CYB5A: variants seen among roughly 807,000 people sequenced by gnomAD.
CYB5A encodes the protein cytochrome b5.
In CYB5A, 10 loss-of-function variants were observed where a neutral mutation model predicts 16.2. The observed-to-expected ratio is 0.62, with a 90% CI of 0.38 to 1.04. The LOEUF is 1.04. Ranked by LOEUF, CYB5A falls within the 50% of genes least tolerant of loss-of-function variation. The pLI, the probability that CYB5A is intolerant of heterozygous loss-of-function variation, is 0.01. For missense variants in CYB5A, 161 were observed against 165.9 expected, an observed-to-expected ratio of 0.97 and a Z score of 0.16; for synonymous variants, 62 against 57.0, an observed-to-expected ratio of 1.09 and a Z score of -0.40.
At chr18:74,269,789 G>C (rs1369285078) in intron 1 of CYB5A, among the ~76,000 whole-genome samples, 1 of 152,110 alleles carries the variant, frequency 6.6e-6, no homozygotes, top group African/African-American at 2.4e-5. Context: ...CTACCACCCA[G>C]GGACAACAGC....
chr18:74,275,355 T>C (rs1278342874), intron 1 of CYB5A, among the ~76,000 whole-genome samples: 2 of 152,152 alleles, frequency 1.3e-5, no homozygotes, highest in African/African-American at 4.8e-5. Flanking sequence ...AAGTCTTCCT[T>C]CTGGAGTGGT....
At chr18:74,263,532 G>C in intron 1 of CYB5A, 55 bp from the exon 2 acceptor site, 2 of 1,506,958 alleles carry the variant, frequency 1.3e-6, no homozygotes. Context: ...TGAATTAAGA[G>C]AAAACGGCCA....
rs1478677611 is a variant in CYB5A at position 74,291,936 on chromosome 18, G to T, written c.-61C>A. 3.1e-6 allele frequency: 5 copies of T among 1,602,028 alleles called. No homozygotes were observed. The highest frequency in any genetic ancestry group is 2.2e-5 in the South Asian group (2 of 90,888). On this transcript the variant is annotated 5_prime_UTR_variant, in exon 1 of 5. An upstream open reading frame in the 5' UTR gains an earlier in-frame stop. Coordinates refer to ENST00000340533, the MANE Select transcript of CYB5A (RefSeq NM_148923.4). Reference sequence around the variant, plus strand: ...CCCCGTCGGGTGGAGCAGAGCGCGCGACTCAGCCAGCTCCACCCGGGACAT... The same window carrying T: ...CCCCGTCGGGTGGAGCAGAGCGCGCTACTCAGCCAGCTCCACCCGGGACAT...
At position 74,263,459 on chromosome 18, in the gene CYB5A, C is replaced by A. The variant is rs762633432; in HGVS notation, c.148G>T (p.Val50Phe). ...TCACCTCCAGCTTGTTCCCTTAAAA[C>A]TTCTTCCCCACCAGGATGCTGTTCA... is the stretch of plus-strand genomic sequence containing the variant. ...FLEEHPGGEE[V>F]LREQAGGDAT... Residue 50 changes from valine (V) to phenylalanine (F), a missense_variant, in exon 2 of 5, where the codon GTT becomes TTT. Val to Phe is a conservative substitution (Grantham distance 50). Coordinates refer to ENST00000340533, the MANE Select transcript of CYB5A (RefSeq NM_148923.4). 2 of 1,614,148 alleles carry A rather than the reference C, an allele frequency of 1.2e-6. No individual in the cohort carries two copies. Among genetic ancestry groups the A allele is most frequent in the Non-Finnish European group, 8.5e-7 (1 of 1,180,012 alleles).
intron 1 of CYB5A, among the ~76,000 whole-genome samples, chr18:74,271,406 C>T (rs192254168): frequency 6.6e-5 from 10 of 152,262 alleles, no homozygotes; most frequent in South Asian, 4.1e-4. Context: ...CAGGAATGAA[C>T]GAGCCCCATA....
At chr18:74,256,793 G>A in intron 3 of CYB5A, 1 of 1,607,554 alleles carries the variant, frequency 6.2e-7, no homozygotes, top group South Asian at 1.1e-5. Context: ...ACCCCTTTCA[G>A]GGAAAAGCAA....
chr18:74,281,663 C>T (rs1295812993), intron 1 of CYB5A, among the ~76,000 whole-genome samples: 2 of 152,002 alleles, frequency 1.3e-5, no homozygotes, highest in Non-Finnish European at 2.9e-5. Flanking sequence ...CCAGGCTTAA[C>T]AACCCTTTCA....
chr18:74,267,303 C>T (rs1418187736), intron 1 of CYB5A, among the ~76,000 whole-genome samples: 5 of 152,138 alleles, frequency 3.3e-5, no homozygotes, highest in Non-Finnish European at 5.9e-5. Flanking sequence ...ACTACAGGCT[C>T]CTGCCACCAC....
At chr18:74,279,266 G>A (rs1599262949) in intron 1 of CYB5A, among the ~76,000 whole-genome samples, 1 of 152,226 alleles carries the variant, frequency 6.6e-6, no homozygotes, top group African/African-American at 2.4e-5. Context: ...GGTGGCTCAC[G>A]CCTATAACCC....
intron 1 of CYB5A, among the ~76,000 whole-genome samples, chr18:74,282,628 T>C (rs1398715454): frequency 6.6e-6 from 1 of 152,130 alleles, no homozygotes; most frequent in African/African-American, 2.4e-5. Context: ...TGGGACACCA[T>C]GCTGAGACCT....
intron 1 of CYB5A, among the ~76,000 whole-genome samples, chr18:74,265,811 G>T (rs1165611705): frequency 6.6e-6 from 1 of 152,154 alleles, no homozygotes; most frequent in Non-Finnish European, 1.5e-5. Context: ...AACTCTGCCT[G>T]AACTAACAAA....
intron 4 of CYB5A, among the ~76,000 whole-genome samples, chr18:74,255,433 C>T (rs191797419): frequency 5.9e-5 from 9 of 152,244 alleles, no homozygotes; most frequent in African/African-American, 1.9e-4. Flanking sequence ...CTTGGATGAG[C>T]CAGGGAGGTG....
At chr18:74,265,703 G>A (rs1982406517) in intron 1 of CYB5A, among the ~76,000 whole-genome samples, 1 of 152,196 alleles carries the variant, frequency 6.6e-6, no homozygotes, top group African/African-American at 2.4e-5. Flanking sequence ...TCGGCCTCTG[G>A]TGAGGCCTCG....
intron 1 of CYB5A, among the ~76,000 whole-genome samples, chr18:74,279,230 C>T (rs552818091): frequency 5.9e-5 from 9 of 152,308 alleles, no homozygotes; most frequent in African/African-American, 2.2e-4. Context: ...GCTGGAATGG[C>T]CAAAAGATGA....
chr18:74,251,948 C>T lies in CYB5A; in HGVS notation c.*1636G>A, dbSNP rs150125866. The T allele has an allele frequency of 3.0e-4, 46 of 152,270 alleles. No homozygotes were observed. Among genetic ancestry groups the T allele is most frequent in the Admixed American group, 7.2e-4 (11 of 15,290 alleles). The allele number at this position is 152,270 out of a possible 1,614,324, so 9.4% of individuals were successfully genotyped here. ...CATCTAAGGTACGACTGACCCACTT[C>T]GATTCACTTCATAGTTGATTTAGGA... On this transcript the variant is annotated 3_prime_UTR_variant, in exon 5 of 5. Coordinates refer to ENST00000340533, the MANE Select transcript of CYB5A (RefSeq NM_148923.4).
chr18:74,259,656 T>C (rs1490528303), intron 3 of CYB5A: 1 of 152,168 alleles, frequency 6.6e-6, no homozygotes, highest in Non-Finnish European at 1.5e-5. Context: ...TGTTTTGCTA[T>C]AGCTAAATGA....
chr18:74,285,841 C>T (rs1416789603), intron 1 of CYB5A, among the ~76,000 whole-genome samples: 1 of 110,904 alleles, frequency 9.0e-6, no homozygotes, highest in African/African-American at 4.7e-5. Flanking sequence ...AAGACCCCAT[C>T]TCAAAAAAAA....
chr18:74,280,205 T>C (rs891476745), intron 1 of CYB5A, among the ~76,000 whole-genome samples: 5 of 152,124 alleles, frequency 3.3e-5, no homozygotes, highest in African/African-American at 1.2e-4. Context: ...TGCAAAGAAT[T>C]GAAAATGGAT....
chr18:74,266,260 G>A (rs1257536185), intron 1 of CYB5A, among the ~76,000 whole-genome samples: 2 of 152,204 alleles, frequency 1.3e-5, no homozygotes, highest in Admixed American at 6.5e-5. Flanking sequence ...CACCTACTGA[G>A]TAGAGAGAAG....
Sources: allele counts gnomAD v4.1 joint callset (sites outside exome capture counted in the v4.1 genomes callset), GRCh38; gene constraint gnomAD v4.1.1; transcripts MANE v1.5; gene names NCBI Gene and HGNC (gene_info 2026-07-23, HGNC 2026-07-21).